RARS2: variants seen among roughly 807,000 people sequenced by gnomAD.
RARS2 encodes the protein probable arginine--tRNA ligase, mitochondrial.
In RARS2, 67 loss-of-function variants were observed where a neutral mutation model predicts 88.5. The ratio of observed to expected loss-of-function variants is 0.76; its 90% CI spans 0.62 to 0.93. RARS2 has a LOEUF of 0.93. Among genes scored for constraint, RARS2 ranks in the 40% least tolerant of loss-of-function variants. The pLI is 0.00. For synonymous variants in RARS2, 239 were observed against 230.3 expected (o/e 1.04, Z -0.34); for missense variants, 664 against 684.2 (o/e 0.97, Z 0.33).
intron 1 of RARS2, among the ~76,000 whole-genome samples, chr6:87,571,899 A>G (rs1020717095): frequency 6.6e-6 from 1 of 152,174 alleles, no homozygotes; most frequent in African/African-American, 2.4e-5. Flanking sequence ...TCAGGGTACA[A>G]TATTTTTATT....
At chr6:87,554,716 G>T (rs1473421197) in intron 5 of RARS2, among the ~76,000 whole-genome samples, 6 of 152,076 alleles carry the variant, frequency 3.9e-5, no homozygotes. Context: ...GCCTTCCAAA[G>T]TGCTAGGATT....
chr6:87,570,490 C>T (rs973737378), intron 1 of RARS2, among the ~76,000 whole-genome samples: 1 of 152,146 alleles, frequency 6.6e-6, no homozygotes, highest in Non-Finnish European at 1.5e-5. Context: ...GTGATCTCGG[C>T]TCACTGCGGC....
At chr6:87,573,724 G>A (rs1025086106) in intron 1 of RARS2, among the ~76,000 whole-genome samples, 70 of 152,142 alleles carry the variant, frequency 4.6e-4, no homozygotes, top group African/African-American at 1.5e-3. Flanking sequence ...GAAGACTTCC[G>A]GGATAAAGTA....
chr6:87,535,567 T>C (rs1318892626), intron 8 of RARS2, among the ~76,000 whole-genome samples: 1 of 152,136 alleles, frequency 6.6e-6, no homozygotes, highest in East Asian at 1.9e-4. Flanking sequence ...GTAATTACCT[T>C]AAATCCTGCT....
chr6:87,576,035 A>C (rs1262080046), intron 1 of RARS2, among the ~76,000 whole-genome samples: 2 of 150,382 alleles, frequency 1.3e-5, no homozygotes, highest in Non-Finnish European at 3.0e-5. Flanking sequence ...CCTGACCTCA[A>C]GTGATCCACC....
intron 8 of RARS2, among the ~76,000 whole-genome samples, chr6:87,541,535 C>T (rs1035809181): frequency 5.9e-5 from 9 of 151,620 alleles, no homozygotes; most frequent in Non-Finnish European, 8.8e-5. Flanking sequence ...TTTTTTAAAC[C>T]TCTGGAGGCT....
chr6:87,520,010 A>G (rs542371331), intron 13 of RARS2, among the ~76,000 whole-genome samples, 170 bp downstream of exon 13: 1 of 152,338 alleles, frequency 6.6e-6, no homozygotes, highest in South Asian at 2.1e-4. Flanking sequence ...TTTAATGTTT[A>G]TAAGGTGGAA....
At chr6:87,559,313 G>A (rs1213564321) in intron 4 of RARS2, among the ~76,000 whole-genome samples, 1 of 151,558 alleles carries the variant, frequency 6.6e-6, no homozygotes, top group African/African-American at 2.4e-5. Context: ...TTAGAGACAG[G>A]GTCTCTAGCC....
chr6:87,536,562 G>A (rs1054916481), intron 8 of RARS2, among the ~76,000 whole-genome samples: 25 of 151,434 alleles, frequency 1.7e-4, no homozygotes, highest in East Asian at 3.9e-4. Flanking sequence ...ATTTGAACCC[G>A]GGAGGCAGAG....
At chr6:87,560,864 G>C (rs769092713) in intron 4 of RARS2, among the ~76,000 whole-genome samples, 2 of 152,072 alleles carry the variant, frequency 1.3e-5, no homozygotes, top group Non-Finnish European at 2.9e-5. Context: ...CTCCAGCCTG[G>C]GCAACAAGAG....
chr6:87,515,002 T>A lies in RARS2; in HGVS notation c.1605A>T (p.Ala535=). ...TATCTTTTATTTGTAGTGTTTTGTG[T>A]GCCACAGCTGCAAGATGACTGAAAC... ...LLTLSHLAAV[A]HKTLQIKDSP... The change falls in exon 19 of 20, where the codon GCA becomes GCT. Residue 535 remains alanine (A), a synonymous_variant. Transcript: ENST00000369536. The A allele has an allele frequency of 6.2e-7, 1 of 1,613,386 alleles. No individual in the cohort carries two copies. Among genetic ancestry groups the A allele is most frequent in the Non-Finnish European group, 8.5e-7 (1 of 1,179,288 alleles).
Position 87,519,772 on chromosome 6 carries a change from C to A in RARS2, c.1113-65G>T. 3 of 1,579,446 alleles carry A rather than the reference C, an allele frequency of 1.9e-6. No homozygotes were observed. In the South Asian group the frequency reaches 3.3e-5, roughly 18 times the overall value. ...GAGCTGCTGCTGAAAGCATATAATACCTTTCAGAGAGTGGTTTGAACTTTA... is the reference window on the plus strand; with the variant it reads ...GAGCTGCTGCTGAAAGCATATAATAACTTTCAGAGAGTGGTTTGAACTTTA... On this transcript the variant is annotated intron_variant, in intron 13 of 19. Transcript: ENST00000369536.
At chr6:87,569,730 T>A in intron 1 of RARS2, 140 bp from the exon 2 acceptor site, 1 of 726,292 alleles carries the variant, frequency 1.4e-6, no homozygotes, top group South Asian at 1.6e-5. Context: ...GGAAGCCAGA[T>A]TCAAAAAGGT....
At chr6:87,519,184 ATGTG>A (rs374177464) in intron 14 of RARS2, 154 of 224,990 alleles carry the variant, frequency 6.8e-4, no homozygotes, top group East Asian at 2.2e-3. Flanking sequence ...ATAAATATAT[ATGTG>A]TGTGTGTGTG....
intron 1 of RARS2, among the ~76,000 whole-genome samples, chr6:87,573,543 A>G (rs1362683683): frequency 1.3e-5 from 2 of 152,202 alleles, no homozygotes; most frequent in East Asian, 3.8e-4. Context: ...ATGGGTAGAG[A>G]GTTTTAGTTG....
At chr6:87,538,254 T>A (rs896947594) in intron 8 of RARS2, among the ~76,000 whole-genome samples, 3 of 152,242 alleles carry the variant, frequency 2.0e-5, no homozygotes, top group African/African-American at 7.2e-5. Context: ...AGTGGGTGTA[T>A]CTTGCCTTCT....
At chr6:87,547,650 C>CTT (rs71018034) in intron 6 of RARS2, among the ~76,000 whole-genome samples, 3 of 146,024 alleles carry the variant, frequency 2.1e-5, no homozygotes, top group Non-Finnish European at 3.0e-5. Context: ...TTTTTCTTTT[C>CTT]TTTTTTTTTT....
chr6:87,563,466 C>T (rs942613949), intron 3 of RARS2, among the ~76,000 whole-genome samples: 5 of 152,302 alleles, frequency 3.3e-5, no homozygotes, highest in Non-Finnish European at 7.4e-5. Flanking sequence ...ATCATAGTCA[C>T]CCTTTAAATA....
intron 12 of RARS2, among the ~76,000 whole-genome samples, chr6:87,521,118 C>T (rs186171942): frequency 4.5e-4 from 69 of 152,254 alleles, no homozygotes; most frequent in Non-Finnish European, 7.5e-4. Flanking sequence ...TTTGAAACTT[C>T]TTGTGAGTAT....
Sources: allele counts gnomAD v4.1 joint callset (sites outside exome capture counted in the v4.1 genomes callset), GRCh38; gene constraint gnomAD v4.1.1; transcripts MANE v1.5; gene names NCBI Gene and HGNC (gene_info 2026-07-23, HGNC 2026-07-21).